PPM1E: variants seen among roughly 807,000 people sequenced by gnomAD.
The protein encoded by PPM1E is protein phosphatase, Mg2+/Mn2+ dependent 1E, also known as protein phosphatase 1E.
Under a neutral mutation model 65.9 loss-of-function variants are expected in PPM1E, and 20 were observed. That is an observed-to-expected ratio of 0.30 (90% CI 0.21 to 0.44). The LOEUF (loss-of-function observed/expected upper bound fraction) is 0.44. Ranked by LOEUF, PPM1E falls within the 20% of genes least tolerant of loss-of-function variation. The pLI is 1.00. For missense variants in PPM1E, 713 were observed against 953.1 expected (o/e 0.75, Z 3.32); for synonymous variants, 352 against 374.9 (o/e 0.94, Z 0.70).
chr17:58,775,629 T>C (rs1444846921), intron 1 of PPM1E, among the ~76,000 whole-genome samples: 2 of 151,940 alleles, frequency 1.3e-5, no homozygotes, highest in Admixed American at 6.6e-5. Flanking sequence ...TTAAGAATAG[T>C]TGGGGCCGGG....
At chr17:58,792,421 A>G (rs1037075064) in intron 1 of PPM1E, among the ~76,000 whole-genome samples, 5 of 151,870 alleles carry the variant, frequency 3.3e-5, no homozygotes, top group Middle Eastern at 3.2e-3. Flanking sequence ...GCTCACTGCA[A>G]TCAATGCCTC....
chr17:58,787,492 G>A (rs898171859), intron 1 of PPM1E, among the ~76,000 whole-genome samples: 19 of 151,432 alleles, frequency 1.3e-4, no homozygotes, highest in Admixed American at 4.0e-4. Flanking sequence ...TTAATAATTC[G>A]TTATTCTTGG....
intron 1 of PPM1E, among the ~76,000 whole-genome samples, chr17:58,879,866 C>G (rs1567862295): frequency 1.3e-5 from 2 of 152,142 alleles, no homozygotes; most frequent in Admixed American, 6.6e-5. Context: ...TTTCCAGAAC[C>G]CTTGGGCTTT....
chr17:58,898,101 G>T, intron 1 of PPM1E, among the ~76,000 whole-genome samples: 1 of 151,842 alleles, frequency 6.6e-6, no homozygotes, highest in Admixed American at 6.6e-5. Flanking sequence ...AAAATAAAAA[G>T]ATTAACCAGG....
chr17:58,877,483 C>G (rs910172230), intron 1 of PPM1E, among the ~76,000 whole-genome samples: 10 of 151,984 alleles, frequency 6.6e-5, no homozygotes, highest in Non-Finnish European at 1.5e-4. Flanking sequence ...TACAAAAAAC[C>G]CTCAATTTCT....
At chr17:58,800,102 A>G (rs1220106039) in intron 1 of PPM1E, among the ~76,000 whole-genome samples, 3 of 152,226 alleles carry the variant, frequency 2.0e-5, no homozygotes, top group Non-Finnish European at 4.4e-5. Context: ...CATGAACATT[A>G]TAAATATGTA....
chr17:58,908,199 A>G (rs2051581837), intron 1 of PPM1E, among the ~76,000 whole-genome samples: 1 of 151,758 alleles, frequency 6.6e-6, no homozygotes, highest in African/African-American at 2.4e-5. Flanking sequence ...CTCCTGCCTC[A>G]GCCTCCCGAG....
chr17:58,930,272 C>T (rs199578404), intron 1 of PPM1E, among the ~76,000 whole-genome samples: 2 of 150,400 alleles, frequency 1.3e-5, no homozygotes, highest in South Asian at 4.2e-4. Flanking sequence ...CACACACACA[C>T]ACACACACAC....
At chr17:58,968,250 A>C (rs955322074) in intron 3 of PPM1E, among the ~76,000 whole-genome samples, 7 of 152,140 alleles carry the variant, frequency 4.6e-5, no homozygotes, top group Non-Finnish European at 7.4e-5. Context: ...TTGTGAATGT[A>C]ATATACCCTT....
At chr17:58,772,957 A>G (rs2049954794) in intron 1 of PPM1E, among the ~76,000 whole-genome samples, 1 of 147,118 alleles carries the variant, frequency 6.8e-6, no homozygotes, top group Non-Finnish European at 1.5e-5. Context: ...TCTAAATTGT[A>G]AAATATCTTT....
intron 1 of PPM1E, among the ~76,000 whole-genome samples, chr17:58,873,764 T>C (rs2143356263): frequency 6.7e-6 from 1 of 148,996 alleles, no homozygotes; most frequent in East Asian, 2.0e-4. Flanking sequence ...CCAGCTAATT[T>C]TTTTTTTTTT....
intron 1 of PPM1E, among the ~76,000 whole-genome samples, chr17:58,759,539 CAGA>C (rs552232867): frequency 5.7e-4 from 86 of 152,192 alleles, no homozygotes; most frequent in Non-Finnish European, 9.6e-4. Flanking sequence ...TGTTTTAATC[CAGA>C]AGAAGCAAAT....
intron 6 of PPM1E, among the ~76,000 whole-genome samples, chr17:58,974,770 G>A (rs2030889641): frequency 6.6e-6 from 1 of 152,166 alleles, no homozygotes; most frequent in Admixed American, 6.5e-5. Flanking sequence ...AAGAAAATCT[G>A]AAAGGATTTA....
At position 58,815,721 on chromosome 17, in the gene PPM1E, A is replaced by T. The variant is rs527971354; in HGVS notation, c.464+59260A>T. The stretch of plus-strand genomic sequence containing the variant: ...TTGAGTCTTAGTTTAGGAATAACAA[A>T]CTAATTGCAAGTTTTAGGATATTAT... On this transcript the variant is annotated intron_variant, in intron 1 of 6. Coordinates refer to ENST00000308249, the MANE Select transcript of PPM1E (RefSeq NM_014906.5). Among the ~76,000 whole-genome samples the T allele has an allele frequency of 6.8e-3, 1,034 of 152,282 alleles. 11 individuals carry two copies. The highest frequency in any genetic ancestry group is 0.023 in the African/African-American group (963 of 41,562).
intron 1 of PPM1E, among the ~76,000 whole-genome samples, chr17:58,902,080 C>T (rs2051505591): frequency 6.6e-6 from 1 of 152,008 alleles, no homozygotes; most frequent in Non-Finnish European, 1.5e-5. Context: ...TTTCAGACTA[C>T]TGATTGTATC....
intron 1 of PPM1E, among the ~76,000 whole-genome samples, chr17:58,760,589 A>C (rs977510749): frequency 6.6e-5 from 10 of 152,140 alleles, no homozygotes; most frequent in African/African-American, 2.4e-4. Context: ...AAAATGTTTA[A>C]TTGTCACACT....
chr17:58,856,286 C>A (rs2050881227), intron 1 of PPM1E, among the ~76,000 whole-genome samples: 1 of 152,062 alleles, frequency 6.6e-6, no homozygotes, highest in Non-Finnish European at 1.5e-5. Context: ...GTTGCCGAGG[C>A]TGTAATGCAA....
chr17:58,787,768 G>A (rs1463381996), intron 1 of PPM1E, among the ~76,000 whole-genome samples: 11 of 151,728 alleles, frequency 7.2e-5, no homozygotes, highest in Non-Finnish European at 1.3e-4. Context: ...TTAGCCAGGC[G>A]TGGTGGCAGG....
intron 1 of PPM1E, among the ~76,000 whole-genome samples, chr17:58,935,852 G>A (rs966068492): frequency 2.0e-5 from 3 of 151,546 alleles, no homozygotes; most frequent in African/African-American, 7.3e-5. Context: ...TTAAGTTTTA[G>A]GGTACATGTG....
Sources: gnomAD v4.1 joint callset for allele counts (sites outside exome capture counted in the v4.1 genomes callset) on GRCh38, gnomAD v4.1.1 for gene constraint, MANE v1.5 for transcripts, NCBI Gene and HGNC (gene_info 2026-07-23, HGNC 2026-07-21) for gene names.